The following INSYN2A variants were observed in gnomAD, a reference collection of about 807,000 sequenced individuals.
INSYN2A encodes the protein family with sequence similarity 196 member A.
A neutral mutation model predicts 39.4 loss-of-function variants in INSYN2A; 17 were observed. That is an observed-to-expected ratio of 0.43 (90% confidence interval 0.30 to 0.65). The LOEUF is 0.65. Ranked by LOEUF, INSYN2A falls within the 30% of genes least tolerant of loss-of-function variation. The pLI is 0.14. For synonymous variants in INSYN2A, 255 were observed against 265.7 expected (o/e 0.96, Z 0.39); for missense variants, 595 against 631.2 (o/e 0.94, Z 0.61).
intron 4 of INSYN2A, among the ~76,000 whole-genome samples, chr10:127,173,349 T>C (rs1156940112): frequency 1.3e-5 from 2 of 152,158 alleles, no homozygotes; most frequent in Non-Finnish European, 2.9e-5. Flanking sequence ...CCCAGACATG[T>C]CTTAGTAAAC....
chr10:127,153,876 C>G lies in INSYN2A; in HGVS notation c.1232G>C (p.Arg411Thr). ...CCTATAGATAATACATGCACTGTTC[C>G]TGCATGTGTCACAATTAGCTGTGTC... ...GQDTANCDTCRNSACIIYSVE... is the reference protein window; with the variant it reads ...GQDTANCDTCTNSACIIYSVE... The change falls in exon 5 of 6, where the codon AGG (arginine) becomes ACG (threonine). Residue 411 changes from arginine (R) to threonine (T), a missense_variant. Physicochemically the swap from Arg to Thr is moderately conservative, Grantham distance 71. Around this residue, in one of 2 missense-constraint regions of INSYN2A, gnomAD observed 117 missense variants for 163.8 expected, o/e 0.71. Transcript: ENST00000522781. The G allele has an allele frequency of 1.2e-6, 2 of 1,612,810 alleles. No individual in the cohort carries two copies. Among genetic ancestry groups the G allele is most frequent in the Non-Finnish European group, 8.5e-7 (1 of 1,178,810 alleles).
At chr10:127,180,910 G>T (rs1364178344) in intron 2 of INSYN2A, among the ~76,000 whole-genome samples, 2 of 152,204 alleles carry the variant, frequency 1.3e-5, no homozygotes, top group Admixed American at 1.3e-4. Context: ...CATTCGGAGA[G>T]ATTTATTTTT....
At chr10:127,162,554 G>A (rs2133691592) in intron 4 of INSYN2A, among the ~76,000 whole-genome samples, 1 of 152,144 alleles carries the variant, frequency 6.6e-6, no homozygotes, top group South Asian at 2.1e-4. Flanking sequence ...TTCCATGGTA[G>A]GGCAAAGTTC....
At chr10:127,154,314 A>G (rs2052813883) in intron 4 of INSYN2A, among the ~76,000 whole-genome samples, 1 of 152,260 alleles carries the variant, frequency 6.6e-6, no homozygotes, top group African/African-American at 2.4e-5. Flanking sequence ...CTGTCCTGCT[A>G]CAACTGGGAC....
At chr10:127,195,226 G>T (rs1383150175) in intron 1 of INSYN2A, among the ~76,000 whole-genome samples, 1 of 152,186 alleles carries the variant, frequency 6.6e-6, no homozygotes, top group Non-Finnish European at 1.5e-5. Context: ...TTGACTTTGG[G>T]CTCCAGGAGC....
intron 5 of INSYN2A, among the ~76,000 whole-genome samples, chr10:127,150,329 T>C (rs2052367010): frequency 6.6e-6 from 1 of 151,770 alleles, no homozygotes; most frequent in Admixed American, 6.6e-5. Context: ...TCAATCCCCA[T>C]TGCTCACCCT....
intron 5 of INSYN2A, among the ~76,000 whole-genome samples, chr10:127,145,310 A>G (rs1592210749): frequency 6.6e-6 from 1 of 152,002 alleles, no homozygotes. Context: ...GAGGAAAGAC[A>G]CCCCATGACT....
intron 2 of INSYN2A, among the ~76,000 whole-genome samples, chr10:127,192,252 A>G (rs932454941): frequency 1.3e-5 from 2 of 152,232 alleles, no homozygotes; most frequent in Non-Finnish European, 2.9e-5. Context: ...GCTCTATAAA[A>G]TAAATATTCA....
intron 2 of INSYN2A, among the ~76,000 whole-genome samples, chr10:127,187,565 T>C (rs1316952155): frequency 1.3e-5 from 2 of 152,054 alleles, no homozygotes; most frequent in East Asian, 3.9e-4. Flanking sequence ...AAAGAGAGCA[T>C]ATCCTGCCAC....
At chr10:127,180,395 G>A (rs2055610352) in intron 2 of INSYN2A, among the ~76,000 whole-genome samples, 1 of 152,158 alleles carries the variant, frequency 6.6e-6, no homozygotes, top group South Asian at 2.1e-4. Context: ...AGCAGCAGGA[G>A]TTCATAAAGT....
chr10:127,179,153 T>A (rs575571780), intron 2 of INSYN2A, among the ~76,000 whole-genome samples: 9 of 152,356 alleles, frequency 5.9e-5, no homozygotes, highest in African/African-American at 2.2e-4. Context: ...TGTCCTGCCA[T>A]GCTATTCATC....
chr10:127,157,121 C>A (rs144648421), intron 4 of INSYN2A, among the ~76,000 whole-genome samples: 198 of 152,304 alleles, frequency 1.3e-3, no homozygotes, highest in Non-Finnish European at 2.0e-3. Context: ...ATTTTTGATA[C>A]TGCTGAGTGT....
intron 4 of INSYN2A, among the ~76,000 whole-genome samples, chr10:127,157,495 C>G (rs1246608269): frequency 6.6e-6 from 1 of 152,248 alleles, no homozygotes; most frequent in African/African-American, 2.4e-5. Flanking sequence ...CTTTTACTCT[C>G]AATCCTCTCC....
Position 127,157,579 on chromosome 10 carries a change from TC to T in INSYN2A, c.1185-3657del, listed in dbSNP as rs201545693. On this transcript the variant is annotated intron_variant, in intron 4 of 5. Transcript: ENST00000522781. ...TTACAACCCAGCCCAATTCACCAAT[TC>T]CTGAGAAATGGTTTGGCTGACGTTT... Among the ~76,000 whole-genome samples, 1,036 of 152,342 alleles carry T rather than the reference TC, an allele frequency of 6.8e-3. 7 individuals are homozygous for T. The highest frequency in any genetic ancestry group is 8.5e-3 in the Non-Finnish European group (581 of 68,028).
intron 4 of INSYN2A, among the ~76,000 whole-genome samples, chr10:127,174,006 C>G (rs1445195677): frequency 6.6e-6 from 1 of 152,236 alleles, no homozygotes; most frequent in Non-Finnish European, 1.5e-5. Flanking sequence ...ACTGCTGGAG[C>G]TGGGCCTTTC....
chr10:127,151,298 T>A (rs2052463443), intron 5 of INSYN2A, among the ~76,000 whole-genome samples: 1 of 152,198 alleles, frequency 6.6e-6, no homozygotes, highest in Non-Finnish European at 1.5e-5. Flanking sequence ...CACACTAGTT[T>A]ATTTCATTGA....
intron 4 of INSYN2A, among the ~76,000 whole-genome samples, chr10:127,164,322 T>G (rs928646400): frequency 2.6e-5 from 4 of 151,770 alleles, no homozygotes; most frequent in African/African-American, 4.8e-5. Flanking sequence ...CAGCTGAGAT[T>G]ACAGGTGCCC....
chr10:127,144,082 C>T (rs534671600), intron 5 of INSYN2A, among the ~76,000 whole-genome samples: 1 of 152,206 alleles, frequency 6.6e-6, no homozygotes, highest in Admixed American at 6.5e-5. Context: ...TCCTCTCCGC[C>T]CACCTTCCAC....
At chr10:127,171,472 A>G (rs1415013432) in intron 4 of INSYN2A, among the ~76,000 whole-genome samples, 1 of 152,164 alleles carries the variant, frequency 6.6e-6, no homozygotes, top group East Asian at 1.9e-4. Context: ...GACCTTAAGT[A>G]TAGTGTGGAA....
Sources: allele counts gnomAD v4.1 joint callset (sites outside exome capture counted in the v4.1 genomes callset), GRCh38; gene constraint gnomAD v4.1.1; regional missense constraint gnomAD v4.1.1; transcripts MANE v1.5; gene names NCBI Gene and HGNC (gene_info 2026-07-23, HGNC 2026-07-21).